Variants in MAGI2 observed in about 807,000 individuals in gnomAD.
The protein encoded by MAGI2 is membrane-associated guanylate kinase, WW and PDZ domain-containing protein 2.
MAGI2 carries 35 observed loss-of-function variants against 133.3 expected under a neutral mutation model. The observed-to-expected ratio is 0.26, with a 90% CI of 0.20 to 0.35. MAGI2 has a LOEUF of 0.35. Ranked by LOEUF, MAGI2 falls within the 10% of genes least tolerant of loss-of-function variation. The pLI, the probability that MAGI2 is intolerant of heterozygous loss-of-function variation, is 1.00. For synonymous variants in MAGI2, 729 were observed against 710.6 expected, an observed-to-expected ratio of 1.03 and a Z score of -0.41; for missense variants, 1,636 against 1,863.4, an observed-to-expected ratio of 0.88 and a Z score of 2.25.
intron 6 of MAGI2, among the ~76,000 whole-genome samples, chr7:78,448,292 A>G (rs1347301939): frequency 2.6e-5 from 4 of 152,054 alleles, no homozygotes; most frequent in Non-Finnish European, 5.9e-5. Flanking sequence ...GTATATACCC[A>G]GTAGTCGAAT....
intron 21 of MAGI2, among the ~76,000 whole-genome samples, chr7:78,038,053 T>C (rs995457161): frequency 1.3e-4 from 20 of 152,204 alleles, no homozygotes; most frequent in African/African-American, 4.6e-4. Context: ...GTTATTTTCT[T>C]AGTTCCTTCT....
At chr7:78,913,655 A>G (rs185397482) in intron 2 of MAGI2, among the ~76,000 whole-genome samples, 1 of 151,992 alleles carries the variant, frequency 6.6e-6, no homozygotes, top group African/African-American at 2.4e-5. Context: ...TATTCTTTCC[A>G]TGTTTGTATT....
chr7:79,131,211 T>C (rs945337533), intron 1 of MAGI2, among the ~76,000 whole-genome samples: 1 of 152,210 alleles, frequency 6.6e-6, no homozygotes, highest in Non-Finnish European at 1.5e-5. Flanking sequence ...AAATCAGTGC[T>C]GTTCATACTG....
intron 9 of MAGI2, among the ~76,000 whole-genome samples, chr7:78,319,805 CA>C (rs1311482880): frequency 1.3e-5 from 2 of 151,976 alleles, no homozygotes; most frequent in Non-Finnish European, 1.5e-5. Flanking sequence ...GATAGAAACA[CA>C]AAAAACCCTT....
intron 9 of MAGI2, among the ~76,000 whole-genome samples, chr7:78,325,280 A>G (rs1478163854): frequency 6.6e-6 from 1 of 152,192 alleles, no homozygotes; most frequent in East Asian, 1.9e-4. Context: ...CAAAGAAAAT[A>G]TAGCTATGAA....
At chr7:79,125,184 A>T in intron 1 of MAGI2, 1 of 356,374 alleles carries the variant, frequency 2.8e-6, no homozygotes, top group Admixed American at 3.2e-5. Context: ...TTGGTTTTGT[A>T]AACACTGACT....
intron 6 of MAGI2, among the ~76,000 whole-genome samples, chr7:78,401,938 TTC>T (rs1554394075): frequency 6.6e-6 from 1 of 151,946 alleles, no homozygotes; most frequent in Non-Finnish European, 1.5e-5. Context: ...GGCTTTTTTT[TTC>T]AATGTGTTTC....
chr7:78,256,678 T>A lies in MAGI2; in HGVS notation c.1409-97A>T, dbSNP rs1421162920. Reference sequence around the variant, plus strand: ...TACGAGACTAGTGAGAGGTGTTGTTTCTTAGTAAGCAGTGAGAAATCAATT... The same window carrying A: ...TACGAGACTAGTGAGAGGTGTTGTTACTTAGTAAGCAGTGAGAAATCAATT... On this transcript the variant is annotated intron_variant, in intron 9 of 21. Transcript: ENST00000354212. 2.9e-6 allele frequency: 3 copies of A among 1,017,226 alleles called. No individual in the cohort carries two copies. In the South Asian group the frequency reaches 4.5e-5, roughly 15 times the overall value. The allele number at this position is 1,017,226 out of a possible 1,614,324, so 63.0% of individuals were successfully genotyped here. A position where few individuals can be genotyped will look rare whatever the true frequency, so the allele number is the denominator to read the frequency against.
At chr7:78,895,690 G>C (rs1021117858) in intron 2 of MAGI2, among the ~76,000 whole-genome samples, 8 of 152,158 alleles carry the variant, frequency 5.3e-5, no homozygotes, top group Non-Finnish European at 1.2e-4. Context: ...ATTAAACACA[G>C]AGCATTATTT....
chr7:78,819,964 A>G (rs1335160646), intron 2 of MAGI2, among the ~76,000 whole-genome samples: 1 of 152,040 alleles, frequency 6.6e-6, no homozygotes, highest in African/African-American at 2.4e-5. Flanking sequence ...TGGCCTTATC[A>G]TGAGACACAA....
At chr7:79,377,862 G>C (rs1480613844) in intron 1 of MAGI2, among the ~76,000 whole-genome samples, 1 of 151,768 alleles carries the variant, frequency 6.6e-6, no homozygotes, top group Admixed American at 6.6e-5. Context: ...TATGTAGGTC[G>C]AATACAGGTC....
intron 1 of MAGI2, among the ~76,000 whole-genome samples, chr7:79,208,821 T>C (rs899223509): frequency 1.3e-5 from 2 of 152,016 alleles, no homozygotes; most frequent in African/African-American, 4.8e-5. Flanking sequence ...AAATATGGCA[T>C]ATATACATAA....
chr7:79,401,910 TTTAA>T (rs1468012515), intron 1 of MAGI2, among the ~76,000 whole-genome samples: 2 of 152,126 alleles, frequency 1.3e-5, no homozygotes, highest in Non-Finnish European at 2.9e-5. Context: ...CTTAACTAAA[TTTAA>T]TTAAAGTATG....
chr7:78,779,677 C>T (rs1289398588), intron 2 of MAGI2, among the ~76,000 whole-genome samples: 1 of 152,184 alleles, frequency 6.6e-6, no homozygotes, highest in Non-Finnish European at 1.5e-5. Flanking sequence ...TCATCAGGCT[C>T]ATAGATTTTG....
chr7:79,161,183 A>T (rs1209688091), intron 1 of MAGI2, among the ~76,000 whole-genome samples: 2 of 152,100 alleles, frequency 1.3e-5, no homozygotes, highest in African/African-American at 4.8e-5. Context: ...AATGCATCTG[A>T]CTGGGGATGT....
chr7:78,062,108 C>G (rs190885444), intron 21 of MAGI2, among the ~76,000 whole-genome samples: 5 of 152,206 alleles, frequency 3.3e-5, no homozygotes, highest in African/African-American at 9.7e-5. Context: ...TTCCTTAACC[C>G]TTCCCCATAT....
At chr7:78,483,921 T>G (rs1304488047) in intron 6 of MAGI2, among the ~76,000 whole-genome samples, 1 of 151,984 alleles carries the variant, frequency 6.6e-6, no homozygotes, top group Non-Finnish European at 1.5e-5. Flanking sequence ...AGTTCTTCCT[T>G]GAGGAAAGAT....
At chr7:79,375,495 T>A (rs572410316) in intron 1 of MAGI2, among the ~76,000 whole-genome samples, 4 of 152,014 alleles carry the variant, frequency 2.6e-5, no homozygotes, top group Non-Finnish European at 5.9e-5. Context: ...ATCAAAATAG[T>A]CTAATGACTT....
chr7:78,532,835 G>A (rs1457265822), intron 3 of MAGI2, among the ~76,000 whole-genome samples: 2 of 152,116 alleles, frequency 1.3e-5, no homozygotes, highest in African/African-American at 4.8e-5. Context: ...TACTTAACCT[G>A]GATTTTCTTT....
Sources: gnomAD v4.1 joint callset for allele counts (sites outside exome capture counted in the v4.1 genomes callset) on GRCh38, gnomAD v4.1.1 for gene constraint, MANE v1.5 for transcripts, NCBI Gene and HGNC (gene_info 2026-07-23, HGNC 2026-07-21) for gene names.